Variants in CSMD3 observed in about 807,000 individuals in gnomAD.
CSMD3 encodes CUB and sushi domain-containing protein 3.
Under a neutral mutation model 435.2 loss-of-function variants are expected in CSMD3, and 177 were observed. That is an observed-to-expected ratio of 0.41 (90% CI 0.36 to 0.46). The LOEUF is 0.46. Ranked by LOEUF, CSMD3 falls within the 20% of genes least tolerant of loss-of-function variation. The pLI, the probability that CSMD3 is intolerant of heterozygous loss-of-function variation, is 0.34. For synonymous variants in CSMD3, 1,656 were observed against 1,520.5 expected (o/e 1.09, Z -2.07); for missense variants, 4,265 against 4,504.6 (o/e 0.95, Z 1.52).
At position 113,424,053 on chromosome 8, in the gene CSMD3, G is replaced by T. The variant is rs539886417; in HGVS notation, c.178+12624C>A. Among the ~76,000 whole-genome samples, 11 of 151,850 alleles carry T rather than the reference G, an allele frequency of 7.2e-5. No individual in the cohort carries two copies. The South Asian group carries it at 2.3e-3, about 31-fold the overall frequency. On this transcript the variant is annotated intron_variant, in intron 1 of 70. Transcript: ENST00000297405. ...AGTAATTATTAGCTCACCAAGAAAT[G>T]TGACTTACAGAATGTGAAAGGGAAT... is the stretch of plus-strand genomic sequence containing the variant.
At chr8:112,809,356 C>T (rs1448461920) in intron 12 of CSMD3, among the ~76,000 whole-genome samples, 1 of 152,074 alleles carries the variant, frequency 6.6e-6, no homozygotes, top group African/African-American at 2.4e-5. Flanking sequence ...ACATGGCTAG[C>T]AAAGTGAAAG....
At position 112,825,218 on chromosome 8, in the gene CSMD3, A is replaced by C. The variant is rs59140406; in HGVS notation, c.1859+4468T>G. Among the ~76,000 whole-genome samples, 8 of 152,156 alleles carry C rather than the reference A, an allele frequency of 5.3e-5. No homozygotes were observed. In the East Asian group the frequency reaches 1.6e-3, roughly 30 times the overall value. On this transcript the variant is annotated intron_variant, in intron 12 of 70. Coordinates refer to ENST00000297405, the MANE Select transcript of CSMD3 (RefSeq NM_198123.2). ...TTAGCAGCTCCTGTAACCTTTTATC[A>C]AGGTTCTTATCTTCTTTGTATTTGG... is the stretch of plus-strand genomic sequence containing the variant.
At chr8:113,388,076 G>A (rs1400165345) in intron 1 of CSMD3, among the ~76,000 whole-genome samples, 3 of 151,700 alleles carry the variant, frequency 2.0e-5, no homozygotes, top group African/African-American at 4.8e-5. Context: ...AGGCCAGAAA[G>A]GGATGCATTA....
intron 24 of CSMD3, among the ~76,000 whole-genome samples, chr8:112,571,813 A>G (rs551126840): frequency 8.4e-4 from 127 of 151,642 alleles, no homozygotes; most frequent in African/African-American, 2.9e-3. Context: ...AGGTTGCAGT[A>G]AGCAAAGATC....
rs186461221 is a variant in CSMD3, at chr8:113,366,573, T to C, written c.179-51780A>G. On this transcript the variant is annotated intron_variant, in intron 1 of 70. Transcript: ENST00000297405. ...CAGTGATTTAAAATGCAAATTTTCTTCATTTTGTCTTGTATCAGAATTGAG... is the reference window on the plus strand; with the variant it reads ...CAGTGATTTAAAATGCAAATTTTCTCCATTTTGTCTTGTATCAGAATTGAG... Among the ~76,000 whole-genome samples the C allele has an allele frequency of 1.1e-3, 164 of 152,196 alleles. 2 individuals carry two copies. In the East Asian group the frequency reaches 0.024, roughly 22 times the overall value.
At chr8:113,175,446 A>G (rs1354898430) in intron 3 of CSMD3, among the ~76,000 whole-genome samples, 1 of 151,900 alleles carries the variant, frequency 6.6e-6, no homozygotes, top group Non-Finnish European at 1.5e-5. Flanking sequence ...TTTCTTAATA[A>G]TACATTCTAA....
At chr8:113,124,413 A>G (rs1265795234) in intron 4 of CSMD3, among the ~76,000 whole-genome samples, 1 of 151,958 alleles carries the variant, frequency 6.6e-6, no homozygotes, top group Non-Finnish European at 1.5e-5. Flanking sequence ...TCATTGTATA[A>G]TAATAAAGAC....
chr8:112,838,885 T>C (rs954180910), intron 11 of CSMD3, among the ~76,000 whole-genome samples: 1 of 151,702 alleles, frequency 6.6e-6, no homozygotes, highest in Non-Finnish European at 1.5e-5. Flanking sequence ...ATTTATGAAA[T>C]AGGTAAATAT....
chr8:113,369,043 C>T lies in CSMD3; in HGVS notation c.179-54250G>A, dbSNP rs540099833. 6.4e-4 allele frequency among the ~76,000 whole-genome samples: 97 copies of T among 151,992 alleles called. 1 individual carries two copies. The South Asian group carries it at 0.02, about 31-fold the overall frequency. ...ATTCATAAATATAATTTAATGTGTG[C>T]TTAATGGTGGCAAGTGAGGCAAACA... On this transcript the variant is annotated intron_variant, in intron 1 of 70. Coordinates refer to ENST00000297405, the MANE Select transcript of CSMD3 (RefSeq NM_198123.2).
chr8:112,516,504 A>G (rs1823685314), intron 28 of CSMD3, among the ~76,000 whole-genome samples: 1 of 152,166 alleles, frequency 6.6e-6, no homozygotes, highest in Non-Finnish European at 1.5e-5. Context: ...AGATTCAATA[A>G]CAGAGCACGG....
chr8:112,398,913 T>A (rs1007793140), intron 35 of CSMD3, among the ~76,000 whole-genome samples: 1 of 151,910 alleles, frequency 6.6e-6, no homozygotes, highest in South Asian at 2.1e-4. Context: ...CGTTACTTGA[T>A]TAAACTCTTT....
At chr8:112,638,196 T>G (rs990725956) in intron 21 of CSMD3, among the ~76,000 whole-genome samples, 2 of 147,654 alleles carry the variant, frequency 1.4e-5, no homozygotes, top group Non-Finnish European at 3.0e-5. Context: ...TTATTAATTA[T>G]ATATATAATT....
chr8:112,812,360 G>A (rs539391987), intron 12 of CSMD3, among the ~76,000 whole-genome samples: 38 of 152,278 alleles, frequency 2.5e-4, no homozygotes, highest in African/African-American at 6.3e-4. Flanking sequence ...CCCAAGTGCT[G>A]GCAGGCCACT....
At chr8:112,997,733 T>A (rs1015755067) in intron 6 of CSMD3, among the ~76,000 whole-genome samples, 7 of 151,570 alleles carry the variant, frequency 4.6e-5, no homozygotes, top group African/African-American at 1.7e-4. Context: ...TTAATTTGGT[T>A]CTCACAATAA....
At position 112,337,580 on chromosome 8, in the gene CSMD3, G is replaced by A. The variant is rs2130964992; in HGVS notation, c.6804C>T (p.Val2268=). The change falls in exon 43 of 71, where the codon GTC becomes GTT. Residue 2268 remains valine, a synonymous_variant. Transcript: ENST00000297405. ...GNSALTCLHG[V]SRNWNHPLPR... is the part of the protein sequence containing the mutation. Reference sequence around the variant, plus strand: ...GAAGTGGATGATTCCAATTACGACTGACTCCGTGAAGGCATGTGAGAGCTG... The same window carrying A: ...GAAGTGGATGATTCCAATTACGACTAACTCCGTGAAGGCATGTGAGAGCTG... 1 of 1,613,836 alleles carries A rather than the reference G, an allele frequency of 6.2e-7. No individual in the cohort carries two copies. The highest frequency in any genetic ancestry group is 8.5e-7 in the Non-Finnish European group (1 of 1,179,776).
intron 1 of CSMD3, among the ~76,000 whole-genome samples, chr8:113,320,021 C>A (rs2093938498): frequency 1.3e-5 from 2 of 152,010 alleles, no homozygotes; most frequent in African/African-American, 2.4e-5. Flanking sequence ...CCAAGCTCAT[C>A]TTCTGGGAGC....
At chr8:112,507,586 T>C (rs1290410275) in intron 28 of CSMD3, among the ~76,000 whole-genome samples, 2 of 152,196 alleles carry the variant, frequency 1.3e-5, no homozygotes, top group East Asian at 3.8e-4. Context: ...ACATAATCAG[T>C]ACATCGGCAT....
At chr8:113,338,422 T>G (rs1196220798) in intron 1 of CSMD3, among the ~76,000 whole-genome samples, 1 of 151,966 alleles carries the variant, frequency 6.6e-6, no homozygotes, top group Non-Finnish European at 1.5e-5. Context: ...ATCCATACTC[T>G]ACTTGCATAC....
At chr8:112,363,930 T>C (rs1366726562) in intron 38 of CSMD3, among the ~76,000 whole-genome samples, 1 of 152,080 alleles carries the variant, frequency 6.6e-6, no homozygotes, top group African/African-American at 2.4e-5. Context: ...TGAATGTTGA[T>C]GTGCATAAAC....
Sources: gnomAD v4.1 joint callset for allele counts (sites outside exome capture counted in the v4.1 genomes callset) on GRCh38, gnomAD v4.1.1 for gene constraint, MANE v1.5 for transcripts, NCBI Gene and HGNC (gene_info 2026-07-23, HGNC 2026-07-21) for gene names.